Variants in C12orf42 observed in about 807,000 individuals in gnomAD.
C12orf42 encodes chromosome 12 open reading frame 42.
In C12orf42, 25 loss-of-function variants were observed where a neutral mutation model predicts 21.6. That is an observed-to-expected ratio of 1.16 (90% CI 0.84 to 1.62). The LOEUF (loss-of-function observed/expected upper bound fraction) is 1.62, where lower values mean the gene tolerates loss of function less well. Ranked by LOEUF, C12orf42 falls within the 40% of genes most tolerant of loss-of-function variation. C12orf42 has a pLI of 0.00. For synonymous variants in C12orf42, 174 were observed against 175.0 expected (o/e 0.99, Z 0.05); for missense variants, 483 against 459.3 (o/e 1.05, Z -0.47).
At chr12:103,065,960 G>A in the C12orf42 span, among the ~76,000 whole-genome samples, 3 of 152,314 alleles carry the variant, frequency 2.0e-5, no homozygotes, top group East Asian at 5.8e-4. Context: ...AAGCTGCTCT[G>A]CCACTTGGGA....
chr12:103,491,695 T>G (rs1385549587), intron 1 of C12orf42, among the ~76,000 whole-genome samples: 2 of 152,216 alleles, frequency 1.3e-5, no homozygotes, highest in Admixed American at 6.5e-5. Flanking sequence ...CCAATGTAAT[T>G]TGTGAGTTAT....
chr12:103,278,255 G>A (rs756518078), intron 4 of C12orf42, among the ~76,000 whole-genome samples: 2 of 152,108 alleles, frequency 1.3e-5, no homozygotes, highest in African/African-American at 2.4e-5. Flanking sequence ...TAGCCATGTG[G>A]ATTTTCTGTG....
intron 2 of C12orf42, among the ~76,000 whole-genome samples, chr12:103,434,823 G>C (rs1950551722): frequency 6.6e-6 from 1 of 152,200 alleles, no homozygotes; most frequent in African/African-American, 2.4e-5. Flanking sequence ...GAGGCTGGGG[G>C]AGGGGCGACT....
the C12orf42 span, among the ~76,000 whole-genome samples, chr12:103,516,673 A>AC: frequency 2.0e-5 from 3 of 152,156 alleles, no homozygotes; most frequent in Non-Finnish European, 2.9e-5. Flanking sequence ...AGCCCCAATG[A>AC]CCCAGTCACT....
chr12:103,178,226 A>G, the C12orf42 span: 1 of 152,200 alleles, frequency 6.6e-6, no homozygotes, highest in African/African-American at 2.4e-5. Flanking sequence ...ACACAACAAA[A>G]GTATAAAACA....
chr12:103,386,777 G>A (rs1457515530), intron 3 of C12orf42, among the ~76,000 whole-genome samples: 9 of 152,136 alleles, frequency 5.9e-5, no homozygotes, highest in African/African-American at 1.9e-4. Context: ...TATGCATGTC[G>A]GACTGTTGAC....
intron 4 of C12orf42, among the ~76,000 whole-genome samples, chr12:103,338,307 A>G (rs1431048187): frequency 6.6e-6 from 1 of 152,230 alleles, no homozygotes; most frequent in East Asian, 1.9e-4. Context: ...GAAGGACCAC[A>G]GCTCTCTAAC....
chr12:103,288,492 G>A (rs918480341), intron 4 of C12orf42, among the ~76,000 whole-genome samples: 1 of 152,104 alleles, frequency 6.6e-6, no homozygotes, highest in African/African-American at 2.4e-5. Context: ...CGTTTAATGC[G>A]TCCTTGTTTG....
the C12orf42 span, among the ~76,000 whole-genome samples, chr12:103,529,164 C>G: frequency 6.6e-6 from 1 of 152,342 alleles, no homozygotes; most frequent in African/African-American, 2.4e-5. Flanking sequence ...TGAATCCTAT[C>G]CACGTATCGG....
At chr12:103,411,762 T>C (rs937031445) in intron 2 of C12orf42, among the ~76,000 whole-genome samples, 1 of 152,342 alleles carries the variant, frequency 6.6e-6, no homozygotes, top group East Asian at 1.9e-4. Context: ...GAGCAATAAA[T>C]GTCTGTTGTT....
At chr12:103,087,065 T>C in the C12orf42 span, among the ~76,000 whole-genome samples, 1 of 152,176 alleles carries the variant, frequency 6.6e-6, no homozygotes, top group African/African-American at 2.4e-5. Flanking sequence ...TTCTGCTTTC[T>C]TTTTTTCTCT....
intron 3 of C12orf42, among the ~76,000 whole-genome samples, chr12:103,399,278 G>A (rs1242126731): frequency 2.6e-5 from 4 of 151,478 alleles, no homozygotes; most frequent in African/African-American, 4.8e-5. Flanking sequence ...TTGAGTAGAC[G>A]TAATAATAGT....
chr12:103,503,741 G>T, the C12orf42 span: 1 of 153,366 alleles, frequency 6.5e-6, no homozygotes, highest in South Asian at 1.9e-4. Context: ...CACCAGCAGT[G>T]ACTCATGCCT....
the C12orf42 span, among the ~76,000 whole-genome samples, chr12:103,186,453 G>A: frequency 1.3e-5 from 2 of 152,164 alleles, no homozygotes; most frequent in Non-Finnish European, 2.9e-5. Context: ...TAAAATTTGA[G>A]CTGACATGCG....
At chr12:103,421,417 A>G (rs1373065156) in intron 2 of C12orf42, among the ~76,000 whole-genome samples, 1 of 151,976 alleles carries the variant, frequency 6.6e-6, no homozygotes, top group Non-Finnish European at 1.5e-5. Flanking sequence ...AAAATAAAAT[A>G]AAAAATATTA....
intron 4 of C12orf42, among the ~76,000 whole-genome samples, chr12:103,290,690 G>T (rs1322883209): frequency 1.3e-5 from 2 of 152,158 alleles, no homozygotes; most frequent in African/African-American, 4.8e-5. Flanking sequence ...TCTAACATCT[G>T]CCCACACATT....
chr12:103,169,427 A>T, the C12orf42 span, among the ~76,000 whole-genome samples: 1 of 152,030 alleles, frequency 6.6e-6, no homozygotes, highest in African/African-American at 2.4e-5. Flanking sequence ...AAACTCAAAA[A>T]AAAAAAATCA....
the C12orf42 span, among the ~76,000 whole-genome samples, chr12:103,167,376 TG>T: frequency 6.6e-6 from 1 of 152,202 alleles, no homozygotes; most frequent in African/African-American, 2.4e-5. Flanking sequence ...GACAATTTTG[TG>T]TCCCCCCAAA....
the C12orf42 span, among the ~76,000 whole-genome samples, chr12:103,556,591 T>C: frequency 6.6e-6 from 1 of 152,154 alleles, no homozygotes; most frequent in Non-Finnish European, 1.5e-5. Flanking sequence ...GGAGAGATCA[T>C]GCAAATCGGT....
Sources: allele counts gnomAD v4.1 joint callset (sites outside exome capture counted in the v4.1 genomes callset), GRCh38; gene constraint gnomAD v4.1.1; transcripts MANE v1.5; gene names NCBI Gene and HGNC (gene_info 2026-07-23, HGNC 2026-07-21).